Variants in ZBTB20 observed in about 807,000 individuals in gnomAD.
ZBTB20 encodes zinc finger and BTB domain-containing protein 20.
A neutral mutation model predicts 56.9 loss-of-function variants in ZBTB20; 9 were observed. That is an observed-to-expected ratio of 0.16 (90% CI 0.10 to 0.28). The LOEUF is 0.28. ZBTB20 is among the 10% of genes least tolerant of loss of function. ZBTB20 has a pLI of 1.00. For missense variants in ZBTB20, 655 were observed against 1,003.0 expected, an observed-to-expected ratio of 0.65 and a Z score of 4.69; for synonymous variants, 417 against 420.7, an observed-to-expected ratio of 0.99 and a Z score of 0.11.
intron 2 of ZBTB20, among the ~76,000 whole-genome samples, chr3:115,051,587 T>G (rs2081549665): frequency 6.6e-6 from 1 of 152,194 alleles, no homozygotes; most frequent in South Asian, 2.1e-4. Context: ...AGTAATACCT[T>G]CAAAATAGTT....
chr3:114,891,772 C>T (rs752000965), intron 4 of ZBTB20, among the ~76,000 whole-genome samples: 3 of 152,138 alleles, frequency 2.0e-5, no homozygotes, highest in South Asian at 2.1e-4. Context: ...TCCAGCCAGG[C>T]GTGGTGGCTC....
At chr3:114,996,344 C>T (rs1300501545) in intron 2 of ZBTB20, among the ~76,000 whole-genome samples, 4 of 151,768 alleles carry the variant, frequency 2.6e-5, no homozygotes, top group South Asian at 2.1e-4. Flanking sequence ...TCTCCTAATG[C>T]TATCCCTCCC....
intron 11 of ZBTB20, among the ~76,000 whole-genome samples, chr3:114,349,310 T>C (rs1166925152): frequency 6.6e-6 from 1 of 152,172 alleles, no homozygotes; most frequent in Non-Finnish European, 1.5e-5. Context: ...TGCTCACTTA[T>C]ATGGAGGCAC....
intron 4 of ZBTB20, chr3:114,873,865 A>G (rs1399839452): frequency 6.6e-6 from 1 of 152,210 alleles, no homozygotes; most frequent in Admixed American, 6.5e-5. Flanking sequence ...CTTGGAAACC[A>G]AAGATTTATG....
chr3:114,781,659 A>C (rs2070105344), intron 5 of ZBTB20, among the ~76,000 whole-genome samples: 1 of 152,112 alleles, frequency 6.6e-6, no homozygotes, highest in Admixed American at 6.5e-5. Flanking sequence ...AGATGACATG[A>C]TTTAGCTGTG....
At chr3:114,583,558 G>A (rs370965217) in intron 6 of ZBTB20, among the ~76,000 whole-genome samples, 1 of 152,038 alleles carries the variant, frequency 6.6e-6, no homozygotes, top group East Asian at 1.9e-4. Flanking sequence ...ACCTACTTAA[G>A]TGAATACTTA....
chr3:114,706,860 T>C (rs1002930272), intron 5 of ZBTB20, among the ~76,000 whole-genome samples: 1 of 152,102 alleles, frequency 6.6e-6, no homozygotes, highest in Admixed American at 6.6e-5. Context: ...TCAGATCAAA[T>C]GACGAGAGTA....
At chr3:114,711,781 C>T (rs901569301) in intron 5 of ZBTB20, among the ~76,000 whole-genome samples, 1 of 152,126 alleles carries the variant, frequency 6.6e-6, no homozygotes, top group African/African-American at 2.4e-5. Context: ...ATGTCAAGAA[C>T]ATTGCTGAGC....
chr3:114,566,658 C>T (rs992544970), intron 6 of ZBTB20, among the ~76,000 whole-genome samples: 1 of 152,134 alleles, frequency 6.6e-6, no homozygotes, highest in Non-Finnish European at 1.5e-5. Context: ...TAACTCATGT[C>T]GGGGTAAAAA....
chr3:114,559,142 T>C (rs899288574), intron 6 of ZBTB20, among the ~76,000 whole-genome samples: 1 of 152,124 alleles, frequency 6.6e-6, no homozygotes, highest in Non-Finnish European at 1.5e-5. Flanking sequence ...ATTTCCAGTG[T>C]CTGGAATAGT....
intron 2 of ZBTB20, among the ~76,000 whole-genome samples, chr3:115,034,705 A>G (rs1012632697): frequency 6.6e-6 from 1 of 151,990 alleles, no homozygotes; most frequent in African/African-American, 2.4e-5. Context: ...ATGTTTTCAC[A>G]GAAATAGAAA....
intron 1 of ZBTB20, among the ~76,000 whole-genome samples, chr3:115,114,006 T>C (rs534407294): frequency 6.6e-6 from 1 of 152,314 alleles, no homozygotes; most frequent in East Asian, 1.9e-4. Context: ...ATTTATAATA[T>C]ACATACATTA....
chr3:114,859,827 A>G (rs116434809), intron 4 of ZBTB20, among the ~76,000 whole-genome samples: 96 of 152,288 alleles, frequency 6.3e-4, no homozygotes, highest in Non-Finnish European at 1.1e-3. Context: ...TACAACTACA[A>G]TGTCACTAAT....
intron 6 of ZBTB20, among the ~76,000 whole-genome samples, chr3:114,539,566 A>G (rs1224572359): frequency 6.6e-6 from 1 of 152,118 alleles, no homozygotes; most frequent in Non-Finnish European, 1.5e-5. Flanking sequence ...CGAGGACAGA[A>G]TGAGCTCCTG....
chr3:114,492,027 CTCT>C (rs2042810890), intron 7 of ZBTB20, among the ~76,000 whole-genome samples: 1 of 152,200 alleles, frequency 6.6e-6, no homozygotes, highest in African/African-American at 2.4e-5. Context: ...TTGAGGCACT[CTCT>C]TGGCTTCTGT....
At chr3:114,676,402 T>A (rs1384591211) in intron 6 of ZBTB20, among the ~76,000 whole-genome samples, 1 of 152,188 alleles carries the variant, frequency 6.6e-6, no homozygotes, top group Non-Finnish European at 1.5e-5. Flanking sequence ...TGAGATAATG[T>A]ATGTTGGAGC....
chr3:115,063,185 T>C (rs989551393), intron 2 of ZBTB20, among the ~76,000 whole-genome samples: 8 of 152,242 alleles, frequency 5.3e-5, no homozygotes, highest in Non-Finnish European at 8.8e-5. Flanking sequence ...CACTTCATCA[T>C]GAGTTAATCT....
intron 4 of ZBTB20, among the ~76,000 whole-genome samples, chr3:114,813,120 G>A (rs1035900865): frequency 3.9e-5 from 6 of 152,214 alleles, no homozygotes; most frequent in African/African-American, 1.2e-4. Flanking sequence ...GCGGCGGGCC[G>A]AAGGGCTCCT....
chr3:114,844,552 A>AAAAAAAC (rs1560313408), intron 4 of ZBTB20, among the ~76,000 whole-genome samples: 6 of 140,832 alleles, frequency 4.3e-5, no homozygotes, highest in Non-Finnish European at 6.1e-5. Flanking sequence ...AAAAAAAAAA[A>AAAAAAAC]CTTTCATTTC....
Sources: gnomAD v4.1 joint callset for allele counts (sites outside exome capture counted in the v4.1 genomes callset) on GRCh38, gnomAD v4.1.1 for gene constraint, MANE v1.5 for transcripts, NCBI Gene and HGNC (gene_info 2026-07-23, HGNC 2026-07-21) for gene names.